The following SEMA5A variants were observed in gnomAD, a reference collection of about 807,000 sequenced individuals.
SEMA5A encodes the protein semaphorin 5A.
Under a neutral mutation model 135.5 loss-of-function variants are expected in SEMA5A, and 55 were observed. That is an observed-to-expected ratio of 0.41 (90% CI 0.33 to 0.51). SEMA5A has a LOEUF of 0.51. SEMA5A is among the 20% of genes least tolerant of loss of function. The pLI is 0.37. For missense variants in SEMA5A, 1,290 were observed against 1,419.9 expected (o/e 0.91, Z 1.47); for synonymous variants, 580 against 546.5 (o/e 1.06, Z -0.85).
chr5:9,402,380 G>A (rs757247531), intron 2 of SEMA5A, among the ~76,000 whole-genome samples: 1 of 152,190 alleles, frequency 6.6e-6, no homozygotes, highest in African/African-American at 2.4e-5. Flanking sequence ...GGCCCTTTGA[G>A]CTCTTTCTGG....
At chr5:9,480,380 G>A (rs1179401177) in intron 1 of SEMA5A, among the ~76,000 whole-genome samples, 1 of 152,062 alleles carries the variant, frequency 6.6e-6, no homozygotes, top group East Asian at 1.9e-4. Flanking sequence ...ATTTACAACT[G>A]ACTGGAGAAT....
intron 10 of SEMA5A, among the ~76,000 whole-genome samples, chr5:9,196,433 C>T (rs114382172): frequency 0.021 from 3,177 of 152,314 alleles, 113 homozygotes; most frequent in African/African-American, 0.071. Context: ...AATGGCCCTG[C>T]TCACGCTTTT....
chr5:9,222,861 G>A (rs1244863239), intron 8 of SEMA5A, among the ~76,000 whole-genome samples: 1 of 152,224 alleles, frequency 6.6e-6, no homozygotes, highest in Non-Finnish European at 1.5e-5. Flanking sequence ...TAAGAAGGCA[G>A]CTAGTGTTTG....
intron 11 of SEMA5A, among the ~76,000 whole-genome samples, 162 bp downstream of exon 11, chr5:9,190,105 A>T (rs10059946): frequency 1.0e-3 from 154 of 152,360 alleles, no homozygotes; most frequent in African/African-American, 3.6e-3. Flanking sequence ...AAAAAGAGGG[A>T]CAGAGGCTGA....
intron 5 of SEMA5A, among the ~76,000 whole-genome samples, chr5:9,314,400 C>G (rs1325574867): frequency 3.3e-5 from 5 of 149,828 alleles, no homozygotes; most frequent in Admixed American, 3.3e-4. Context: ...TGCAACAGAT[C>G]ATTAATTTCT....
At chr5:9,080,999 C>A (rs919914751) in intron 16 of SEMA5A, among the ~76,000 whole-genome samples, 2 of 152,182 alleles carry the variant, frequency 1.3e-5, no homozygotes, top group African/African-American at 2.4e-5. Context: ...TCCACAACCT[C>A]CTCGTACCTT....
chr5:9,446,322 G>A (rs1758431574), intron 1 of SEMA5A, among the ~76,000 whole-genome samples: 1 of 152,142 alleles, frequency 6.6e-6, no homozygotes. Flanking sequence ...CTGAGGGAAA[G>A]AAAGAGAGGG....
At chr5:9,337,034 A>C (rs2150717563) in intron 4 of SEMA5A, among the ~76,000 whole-genome samples, 1 of 152,330 alleles carries the variant, frequency 6.6e-6, no homozygotes. Context: ...TTTCTAAGGA[A>C]GTGATAGTGA....
At chr5:9,132,375 G>A (rs1579451380) in intron 13 of SEMA5A, among the ~76,000 whole-genome samples, 1 of 152,290 alleles carries the variant, frequency 6.6e-6, no homozygotes, top group African/African-American at 2.4e-5. Context: ...GATTAGGTCA[G>A]GAGGGCTCCT....
At chr5:9,282,076 G>A (rs943161416) in intron 5 of SEMA5A, among the ~76,000 whole-genome samples, 1 of 152,094 alleles carries the variant, frequency 6.6e-6, no homozygotes, top group Non-Finnish European at 1.5e-5. Context: ...CTCCTAAAGT[G>A]CTGGGATTAC....
chr5:9,271,358 G>A (rs1561092906), intron 5 of SEMA5A, among the ~76,000 whole-genome samples: 1 of 152,102 alleles, frequency 6.6e-6, no homozygotes, highest in Non-Finnish European at 1.5e-5. Context: ...GTTCTTTATA[G>A]CACTATGAGA....
intron 2 of SEMA5A, among the ~76,000 whole-genome samples, chr5:9,399,080 C>A (rs1185854573): frequency 1.3e-5 from 2 of 152,196 alleles, no homozygotes; most frequent in East Asian, 1.9e-4. Context: ...AATAACCCAG[C>A]AATCCCACTC....
chr5:9,238,271 T>A (rs1348657879), intron 5 of SEMA5A, among the ~76,000 whole-genome samples: 2 of 152,230 alleles, frequency 1.3e-5, no homozygotes, highest in Non-Finnish European at 2.9e-5. Flanking sequence ...CAAGATAATT[T>A]AAATATTAAT....
intron 11 of SEMA5A, among the ~76,000 whole-genome samples, chr5:9,161,359 T>A (rs1306912055): frequency 6.6e-6 from 1 of 152,114 alleles, no homozygotes; most frequent in African/African-American, 2.4e-5. Context: ...CACTGTCCAA[T>A]GGTGACACAT....
chr5:9,157,492 T>C (rs905283562), intron 11 of SEMA5A, among the ~76,000 whole-genome samples: 1 of 152,170 alleles, frequency 6.6e-6, no homozygotes, highest in African/African-American at 2.4e-5. Context: ...GGGCCGATGA[T>C]GGGACCTCTC....
At chr5:9,069,656 A>AGGCTTT (rs2150079226) in intron 16 of SEMA5A, among the ~76,000 whole-genome samples, 1 of 152,312 alleles carries the variant, frequency 6.6e-6, no homozygotes, top group South Asian at 2.1e-4. Flanking sequence ...AACAGAAAAT[A>AGGCTTT]TGTAAGGCGA....
chr5:9,387,860 C>A (rs1755965404), intron 2 of SEMA5A, among the ~76,000 whole-genome samples: 1 of 152,210 alleles, frequency 6.6e-6, no homozygotes. Context: ...TAAGGGGAAT[C>A]AGGATGTTCC....
At chr5:9,361,525 T>G (rs889580013) in intron 3 of SEMA5A, among the ~76,000 whole-genome samples, 3 of 152,176 alleles carry the variant, frequency 2.0e-5, no homozygotes, top group Non-Finnish European at 4.4e-5. Context: ...TTAATAAATG[T>G]CTTACTCTGG....
chr5:9,428,717 G>A (rs1441141765), intron 2 of SEMA5A, among the ~76,000 whole-genome samples: 3 of 152,092 alleles, frequency 2.0e-5, no homozygotes, highest in African/African-American at 7.2e-5. Context: ...AGTCTATAAT[G>A]GCTACAGCAA....
Sources: allele counts gnomAD v4.1 joint callset (sites outside exome capture counted in the v4.1 genomes callset), GRCh38; gene constraint gnomAD v4.1.1; transcripts MANE v1.5; gene names NCBI Gene and HGNC (gene_info 2026-07-23, HGNC 2026-07-21).